TECTA: variants seen among roughly 807,000 people sequenced by gnomAD.
The protein encoded by TECTA is alpha-tectorin.
A neutral mutation model predicts 216.8 loss-of-function variants in TECTA; 128 were observed. The ratio of observed to expected loss-of-function variants is 0.59; its 90% CI spans 0.51 to 0.68. The LOEUF is 0.68. Ranked by LOEUF, TECTA falls within the 30% of genes least tolerant of loss-of-function variation. TECTA has a pLI of 0.00. For synonymous variants in TECTA, 1,089 were observed against 1,117.1 expected (o/e 0.97, Z 0.50); for missense variants, 2,551 against 2,786.2 (o/e 0.92, Z 1.90).
At chr11:121,170,936 A>G (rs1947105524) in intron 20 of TECTA, among the ~76,000 whole-genome samples, 1 of 152,130 alleles carries the variant, frequency 6.6e-6, no homozygotes, top group Non-Finnish European at 1.5e-5. Context: ...TTAGTTTAAT[A>G]TAGTCCCATT....
In TECTA at chr11:121,112,980, G is replaced by T; in HGVS notation, c.487-92G>T. 2 of 1,535,416 alleles carry T rather than the reference G, an allele frequency of 1.3e-6. 1 individual carries two copies. The highest frequency in any genetic ancestry group is 2.3e-5 in the South Asian group (2 of 87,088). On this transcript the variant is annotated intron_variant, in intron 4 of 23. Transcript: ENST00000392793. ...CAGAGCAGCTCTGAGCTGCCTGTGG[G>T]TGGGGAGGGCGCAGGGTGAAGGGAG... is the stretch of plus-strand genomic sequence containing the variant.
chr11:121,188,364 A>G (rs1422996359), intron 21 of TECTA, among the ~76,000 whole-genome samples: 1 of 152,128 alleles, frequency 6.6e-6, no homozygotes, highest in East Asian at 1.9e-4. Context: ...TCAACACCCA[A>G]AATGTCTCCA....
At chr11:121,154,910 C>G (rs1946926308) in intron 13 of TECTA, among the ~76,000 whole-genome samples, 1 of 152,182 alleles carries the variant, frequency 6.6e-6, no homozygotes, top group Non-Finnish European at 1.5e-5. Context: ...TGAAAGGATG[C>G]AAAGAAAAGC....
intron 20 of TECTA, among the ~76,000 whole-genome samples, chr11:121,186,031 A>C (rs1947281956): frequency 1.0e-5 from 1 of 99,260 alleles, no homozygotes; most frequent in Non-Finnish European, 1.9e-5. Context: ...TTAATGAATG[A>C]GTAGGGAAAG....
Position 121,118,600 on chromosome 11 carries a change from G to A in TECTA, c.1085G>A (p.Ser362Asn). 1 of 1,614,148 alleles carries A rather than the reference G, an allele frequency of 6.2e-7. No homozygotes were observed. The highest frequency in any genetic ancestry group is 1.1e-5 in the South Asian group (1 of 91,076). Residue 362 changes from serine (S) to asparagine (N), a missense_variant, in exon 7 of 24, where the codon AGT becomes AAT. This residue lies in a region of TECTA where 2,375 missense variants were observed against 2,563.9 expected (regional missense o/e 0.93). Transcript: ENST00000392793. ...CLQTSSLPFF[S>N]VEAKNEHRRG... ...CAGACTTCCAGCCTCCCTTTCTTCAGTGTGGAGGCCAAGAATGAACACCGC... is the reference window on the plus strand; with the variant it reads ...CAGACTTCCAGCCTCCCTTTCTTCAATGTGGAGGCCAAGAATGAACACCGC...
rs761468899 is a variant in TECTA at position 121,129,763 on chromosome 11, T to C, written c.2493T>C (p.Gly831=). 6.2e-7 allele frequency: 1 copy of C among 1,614,010 alleles called. No individual in the cohort carries two copies. The highest frequency in any genetic ancestry group is 8.5e-7 in the Non-Finnish European group (1 of 1,179,976). ...TGACTGTCCAGTACTCAGACATAGG[T>C]CTATTGTACATCCGGCTGTCCACCA... ...GVVTVQYSDI[G]LLYIRLSTTY... Residue 831 remains glycine, a synonymous_variant, in exon 10 of 24, where the codon GGT becomes GGC. Transcript: ENST00000392793.
At chr11:121,171,343 A>T (rs1947110415) in intron 20 of TECTA, among the ~76,000 whole-genome samples, 1 of 152,112 alleles carries the variant, frequency 6.6e-6, no homozygotes, top group African/African-American at 2.4e-5. Context: ...CACTATACTT[A>T]AAAGTCAGGT....
At chr11:121,167,908 A>T (rs1283222224) in intron 18 of TECTA, 146 bp from the exon 19 acceptor site, 2 of 917,092 alleles carry the variant, frequency 2.2e-6, no homozygotes, top group East Asian at 2.5e-5. Flanking sequence ...AGTAAATGCT[A>T]AGGCTAGCTC....
rs200853757 is a variant in TECTA, at chr11:121,137,197, TAC to T, written c.2942-217_2942-216del. Among the ~76,000 whole-genome samples, 1,321 of 151,864 alleles carry T rather than the reference TAC, an allele frequency of 8.7e-3. 28 individuals are homozygous for T. Among genetic ancestry groups the T allele is most frequent in the East Asian group, 0.065 (330 of 5,108 alleles). Reference sequence around the variant, plus strand: ...GTGTGCACACACAGGCACTCATACGTACACACACGCACTCGCACACATGCATG... The same window carrying T: ...GTGTGCACACACAGGCACTCATACGTACACACGCACTCGCACACATGCATG... On this transcript the variant is annotated intron_variant, in intron 10 of 23. Transcript: ENST00000392793.
At position 121,126,512 on chromosome 11, in the gene TECTA, C is replaced by T. The variant is rs570509056; in HGVS notation, c.1774+640C>T. On this transcript the variant is annotated intron_variant, in intron 8 of 23. Coordinates refer to ENST00000392793, the MANE Select transcript of TECTA (RefSeq NM_005422.4). ...TTGTCTTAGTACTTTTTCCCTGTATCCCACTTAAAATTTATTTCTTTTTCT... is the reference window on the plus strand; with the variant it reads ...TTGTCTTAGTACTTTTTCCCTGTATTCCACTTAAAATTTATTTCTTTTTCT... 2.6e-5 allele frequency among the ~76,000 whole-genome samples: 4 copies of T among 152,268 alleles called. No homozygotes were observed. The South Asian group carries it at 8.3e-4, about 32-fold the overall frequency.
At chr11:121,119,876 A>C (rs1946539805) in intron 7 of TECTA, among the ~76,000 whole-genome samples, 1 of 152,190 alleles carries the variant, frequency 6.6e-6, no homozygotes, top group African/African-American at 2.4e-5. Context: ...TGTGCTTGCT[A>C]TTTGGTTAGT....
In TECTA at chr11:121,113,101, C is replaced by A; in HGVS notation, c.516C>A (p.Ser172=). 1 of 1,614,104 alleles carries A rather than the reference C, an allele frequency of 6.2e-7. No individual in the cohort carries two copies. Among genetic ancestry groups the A allele is most frequent in the Non-Finnish European group, 8.5e-7 (1 of 1,180,018 alleles). ...PVNTFQAVLV[S]DGSYTFTLFN... is the part of the protein sequence containing the mutation. ...ACACCTTCCAGGCCGTCCTAGTGTC[C>A]GATGGCTCCTATACATTCACCCTCT... Residue 172 remains serine, a synonymous_variant, in exon 5 of 24, where the codon TCC becomes TCA. Coordinates refer to ENST00000392793, the MANE Select transcript of TECTA (RefSeq NM_005422.4). The surrounding 1 kb of genome is among the most constrained non-coding windows in gnomAD (Gnocchi z 4.2).
At chr11:121,182,602 G>T (rs1947240932) in intron 20 of TECTA, among the ~76,000 whole-genome samples, 1 of 152,122 alleles carries the variant, frequency 6.6e-6, no homozygotes, top group Non-Finnish European at 1.5e-5. Context: ...AGCCCCCGAT[G>T]GTGCATGTGA....
intron 3 of TECTA, among the ~76,000 whole-genome samples, chr11:121,108,463 G>C (rs1354732544): frequency 8.5e-6 from 1 of 117,324 alleles, no homozygotes; most frequent in Non-Finnish European, 1.9e-5. Flanking sequence ...CCCACCCCTA[G>C]TACATACACA....
chr11:121,160,426 G>T lies in TECTA; in HGVS notation c.4976+5G>T. ...AACCAATGGCATGCAGAAGAGGTGA[G>T]GGTGTAGGAGTTCAAGCCACTAGAC... On this transcript the variant is annotated splice_donor_5th_base_variant and intron_variant, in intron 15 of 23. Coordinates refer to ENST00000392793, the MANE Select transcript of TECTA (RefSeq NM_005422.4). The T allele has an allele frequency of 6.2e-7, 1 of 1,608,328 alleles. No individual in the cohort carries two copies. Among genetic ancestry groups the T allele is most frequent in the Non-Finnish European group, 8.5e-7 (1 of 1,179,766 alleles).
chr11:121,157,623 T>C (rs1485391273), intron 13 of TECTA, among the ~76,000 whole-genome samples: 2 of 152,106 alleles, frequency 1.3e-5, no homozygotes, highest in African/African-American at 4.8e-5. Flanking sequence ...AGTAAGTAAA[T>C]AAATGCGTGT....
chr11:121,126,773 C>T (rs536571417), intron 8 of TECTA, among the ~76,000 whole-genome samples: 1 of 152,328 alleles, frequency 6.6e-6, no homozygotes, highest in East Asian at 1.9e-4. Context: ...GGTCAAACTA[C>T]AATACAAGCA....
In TECTA at chr11:121,109,208, T is replaced by C. The variant is rs373058788; in HGVS notation, c.199-3T>C. ...CTGTGCAAAACCTCTCTTATTTTCG[T>C]AGGTCAATAACAACGGAGTTGTTTC... On this transcript the variant is annotated splice_polypyrimidine_tract_variant and splice_region_variant and intron_variant, in intron 3 of 23. Transcript: ENST00000392793. 58 of 1,614,038 alleles carry C rather than the reference T, an allele frequency of 3.6e-5. No homozygotes were observed. Among genetic ancestry groups the C allele is most frequent in the Non-Finnish European group, 4.7e-5 (55 of 1,180,018 alleles).
At chr11:121,147,176 C>T (rs1373610722) in intron 12 of TECTA, among the ~76,000 whole-genome samples, 2 of 152,194 alleles carry the variant, frequency 1.3e-5, no homozygotes, top group Non-Finnish European at 2.9e-5. Flanking sequence ...CTTTAAAAAG[C>T]ATATTCCTTT....
Sources: allele counts gnomAD v4.1 joint callset (sites outside exome capture counted in the v4.1 genomes callset), GRCh38; gene constraint gnomAD v4.1.1; regional missense constraint gnomAD v4.1.1; non-coding constraint Gnocchi (gnomAD v3.1); transcripts MANE v1.5; gene names NCBI Gene and HGNC (gene_info 2026-07-23, HGNC 2026-07-21).